Variants in PPP2R5B observed in about 807,000 individuals in gnomAD.
PPP2R5B encodes protein phosphatase 2 regulatory subunit B'beta, also known as serine/threonine-protein phosphatase 2A 56 kDa regulatory subunit beta isoform.
In PPP2R5B, 19 loss-of-function variants were observed where a neutral mutation model predicts 59.9. The ratio of observed to expected loss-of-function variants is 0.32; its 90% CI spans 0.22 to 0.47. The LOEUF is 0.47. Ranked by LOEUF, PPP2R5B falls within the 20% of genes least tolerant of loss-of-function variation. The pLI is 1.00. For missense variants in PPP2R5B, 441 were observed against 640.2 expected (o/e 0.69, Z 3.36); for synonymous variants, 286 against 260.5 (o/e 1.10, Z -0.94).
chr11:64,927,114 GC>G (rs1307551392), intron 3 of PPP2R5B, among the ~76,000 whole-genome samples: 15 of 152,150 alleles, frequency 9.9e-5, no homozygotes, highest in Non-Finnish European at 8.8e-5. Context: ...GCTTATGCTT[GC>G]CTGAGACCTG....
At chr11:64,922,644 G>T (rs1390120948), upstream of PPP2R5B, among the ~76,000 whole-genome samples, 2 of 152,170 alleles carry the variant, frequency 1.3e-5, no homozygotes, top group African/African-American at 4.8e-5. Flanking sequence ...GGAGGCCGAG[G>T]TGGGCGGATC....
intron 11 of PPP2R5B, among the ~76,000 whole-genome samples, 172 bp downstream of exon 11, chr11:64,932,040 C>T (rs1945232672): frequency 6.6e-6 from 1 of 152,212 alleles, no homozygotes; most frequent in Admixed American, 6.5e-5. Flanking sequence ...ACCTGCCTTC[C>T]ACTGGCTGAG....
At chr11:64,918,402 G>A (rs922248936) in intron 1 of PPP2R5B, 2 of 152,264 alleles carry the variant, frequency 1.3e-5, no homozygotes, top group Admixed American at 1.3e-4. Context: ...CTGTCACCTA[G>A]GCTGGAGTGC....
chr11:64,932,701 C>A, intron 11 of PPP2R5B, 64 bp from the exon 12 acceptor site: 2 of 1,585,034 alleles, frequency 1.3e-6, no homozygotes, highest in Non-Finnish European at 1.7e-6. Flanking sequence ...GTGATGGACA[C>A]CAGACCTTGC....
rs1376582247 is a variant in PPP2R5B, at chr11:64,925,860, C to A, written c.126C>A (p.Arg42=). The A allele has an allele frequency of 3.1e-6, 5 of 1,611,798 alleles. No homozygotes were observed. The highest frequency in any genetic ancestry group is 4.2e-6 in the Non-Finnish European group (5 of 1,179,846). ...SRRSLRRARP[R]RSHSSSQFRY... The stretch of plus-strand genomic sequence containing the variant: ...GTTCCCTCCGCAGAGCCCGGCCCCG[C>A]CGCTCCCACAGCTCCTCTCAGTTCC... The change falls in exon 2 of 14, where the codon CGC becomes CGA. Residue 42 remains arginine (R), a synonymous_variant. Coordinates refer to ENST00000164133, the MANE Select transcript of PPP2R5B (RefSeq NM_006244.4). The surrounding 1 kb of genome is among the most constrained non-coding windows in gnomAD (Gnocchi z 4.6).
Position 64,931,606 on chromosome 11 carries a change from G to A in PPP2R5B, c.993G>A (p.Lys331=). 1 of 1,613,926 alleles carries A rather than the reference G, an allele frequency of 6.2e-7. No individual in the cohort carries two copies. The highest frequency in any genetic ancestry group is 8.5e-7 in the Non-Finnish European group (1 of 1,180,012). Residue 331 remains lysine, a synonymous_variant, in exon 10 of 14, where the codon AAG becomes AAA. Transcript: ENST00000164133. The surrounding 1 kb of genome is among the most constrained non-coding windows in gnomAD (Gnocchi z 5.0). The part of the protein sequence containing the change: ...LKYWPKTCTQ[K]EVMFLGEMEE... ...ACTGGCCAAAAACCTGCACCCAGAA[G>A]GAGGTATGAAGAAGGGCTTTGATGC...
chr11:64,933,293 G>A (rs1945248497), intron 13 of PPP2R5B, 47 bp downstream of exon 13: 1 of 1,513,504 alleles, frequency 6.6e-7, no homozygotes, highest in African/African-American at 1.4e-5. Flanking sequence ...GAGCAGGGAG[G>A]AGTCAGACCC....
chr11:64,926,023 A>AAG, intron 2 of PPP2R5B, 90 bp downstream of exon 2: 3 of 1,338,712 alleles, frequency 2.2e-6, no homozygotes, highest in Non-Finnish European at 3.1e-6. Context: ...GGCAGCTGCC[A>AAG]AGAGAGAGAG....
At chr11:64,926,988 T>C in intron 3 of PPP2R5B, 80 bp downstream of exon 3, 2 of 1,497,276 alleles carry the variant, frequency 1.3e-6, no homozygotes, top group South Asian at 2.5e-5. Context: ...GACCCCTGCG[T>C]GGAGAATAAC....
intron 8 of PPP2R5B, 22 bp downstream of exon 8, chr11:64,930,611 G>C (rs1945219010): frequency 1.3e-6 from 2 of 1,598,256 alleles, no homozygotes; most frequent in East Asian, 4.5e-5. Flanking sequence ...GCCTGTCCCT[G>C]CTGCAGCAGG....
At position 64,925,684 on chromosome 11, in the gene PPP2R5B, C is replaced by T; in HGVS notation, c.-51C>T. On this transcript the variant is annotated 5_prime_UTR_variant, in exon 2 of 14. Coordinates refer to ENST00000164133, the MANE Select transcript of PPP2R5B (RefSeq NM_006244.4). This position sits in a 1 kb window ranked among gnomAD's most constrained non-coding sequence, Gnocchi z 4.6. Reference sequence around the variant, plus strand: ...CCAGTCTCACCCAGCACCTCCCAGGCCCAGAGAGAACCCCCGGGGCTCTGA... The same window carrying T: ...CCAGTCTCACCCAGCACCTCCCAGGTCCAGAGAGAACCCCCGGGGCTCTGA... The T allele has an allele frequency of 1.8e-6, 2 of 1,107,326 alleles. No individual in the cohort carries two copies. The highest frequency in any genetic ancestry group is 1.5e-5 in the African/African-American group (1 of 64,624). The allele number at this position is 1,107,326 out of a possible 1,614,324, so 68.6% of individuals were successfully genotyped here.
intron 6 of PPP2R5B, 85 bp from the exon 7 acceptor site, chr11:64,930,237 A>G: frequency 7.0e-7 from 1 of 1,434,420 alleles, no homozygotes; most frequent in East Asian, 2.3e-5. Flanking sequence ...CGTGCCGTGC[A>G]GGTGAGGGTG....
rs1441482281 is a variant in PPP2R5B, at chr11:64,925,180, C to T, written c.-265+152C>T. Among the ~76,000 whole-genome samples the T allele has an allele frequency of 2.0e-5, 3 of 152,082 alleles. No homozygotes were observed. Among genetic ancestry groups the T allele is most frequent in the Non-Finnish European group, 2.9e-5 (2 of 68,008 alleles). ...GGCCGGGATTAGTGGAGCAGCGATGCGTTCCATTCTGAAAGGGGCAGGGAT... is the reference window on the plus strand; with the variant it reads ...GGCCGGGATTAGTGGAGCAGCGATGTGTTCCATTCTGAAAGGGGCAGGGAT... On this transcript the variant is annotated intron_variant, in intron 1 of 13. Coordinates refer to ENST00000164133, the MANE Select transcript of PPP2R5B (RefSeq NM_006244.4). The surrounding 1 kb of genome is among the most constrained non-coding windows in gnomAD (Gnocchi z 4.6).
rs746704225 is a variant in PPP2R5B at position 64,925,686 on chromosome 11, CAG to C, written c.-43_-42del. ...AGTCTCACCCAGCACCTCCCAGGCC[CAG>C]AGAGAACCCCCGGGGCTCTGAAAGC... On this transcript the variant is annotated 5_prime_UTR_variant, in exon 2 of 14. Coordinates refer to ENST00000164133, the MANE Select transcript of PPP2R5B (RefSeq NM_006244.4). The surrounding 1 kb of genome is among the most constrained non-coding windows in gnomAD (Gnocchi z 4.6). The C allele has an allele frequency of 3.4e-5, 40 of 1,182,538 alleles. No individual in the cohort carries two copies. The highest frequency in any genetic ancestry group is 4.6e-5 in the Non-Finnish European group (37 of 812,900). The allele number at this position is 1,182,538 out of a possible 1,614,324, so 73.3% of individuals were successfully genotyped here.
At chr11:64,922,854 A>G (rs1458117079), upstream of PPP2R5B, 6 of 151,906 alleles carry the variant, frequency 3.9e-5, no homozygotes, top group East Asian at 1.2e-3. Flanking sequence ...CAGCCTGGGC[A>G]ACAGAGCGAG....
intron 3 of PPP2R5B, among the ~76,000 whole-genome samples, chr11:64,927,310 C>G (rs664997): frequency 0.9 from 136,910 of 152,114 alleles, 62,091 homozygotes; most frequent in East Asian, 1. Context: ...CCCATTCACC[C>G]CTGGGTTCCC....
At chr11:64,929,199 G>C (rs1945203290) in intron 6 of PPP2R5B, among the ~76,000 whole-genome samples, 1 of 152,172 alleles carries the variant, frequency 6.6e-6, no homozygotes, top group Admixed American at 6.5e-5. Flanking sequence ...CAGTCCAGGG[G>C]CCTAGGAGCT....
chr11:64,920,549 T>C (rs1945100227), upstream of PPP2R5B, among the ~76,000 whole-genome samples: 1 of 152,066 alleles, frequency 6.6e-6, no homozygotes, highest in African/African-American at 2.4e-5. Context: ...GGGGACGATA[T>C]TCTCTTGGGA....
rs748075640 is a variant in PPP2R5B at position 64,930,597 on chromosome 11, C to T, written c.891+8C>T. 1 of 1,609,380 alleles carries T rather than the reference C, an allele frequency of 6.2e-7. No homozygotes were observed. Among genetic ancestry groups the T allele is most frequent in the Non-Finnish European group, 8.5e-7 (1 of 1,175,692 alleles). On this transcript the variant is annotated splice_region_variant and intron_variant, in intron 8 of 13. Coordinates refer to ENST00000164133, the MANE Select transcript of PPP2R5B (RefSeq NM_006244.4). ...TCTGTCTTCCATGCCCAGGTGAGGC[C>T]CAGGCCTGTCCCTGCTGCAGCAGGA...
Sources: allele counts gnomAD v4.1 joint callset (sites outside exome capture counted in the v4.1 genomes callset), GRCh38; gene constraint gnomAD v4.1.1; non-coding constraint Gnocchi (gnomAD v3.1); transcripts MANE v1.5; gene names NCBI Gene and HGNC (gene_info 2026-07-23, HGNC 2026-07-21).